The following SHANK2 variants were observed in gnomAD, a reference collection of about 807,000 sequenced individuals.
SHANK2 encodes the protein SH3 and multiple ankyrin repeat domains 2.
Under a neutral mutation model 133.7 loss-of-function variants are expected in SHANK2, and 43 were observed. That is an observed-to-expected ratio of 0.32 (90% CI 0.25 to 0.41). The LOEUF (loss-of-function observed/expected upper bound fraction) is 0.41. SHANK2 is among the 10% of genes least tolerant of loss of function. The pLI is 1.00. For synonymous variants in SHANK2, 1,017 were observed against 952.8 expected, an observed-to-expected ratio of 1.07 and a Z score of -1.24; for missense variants, 1,994 against 2,235.8, an observed-to-expected ratio of 0.89 and a Z score of 2.18.
At chr11:70,917,747 T>C (rs895013406) in intron 10 of SHANK2, among the ~76,000 whole-genome samples, 7 of 152,144 alleles carry the variant, frequency 4.6e-5, no homozygotes, top group Admixed American at 2.0e-4. Context: ...AGCAAACTAA[T>C]GCAGAAACAG....
chr11:70,736,862 A>C (rs1475822937), intron 14 of SHANK2, among the ~76,000 whole-genome samples: 1 of 152,150 alleles, frequency 6.6e-6, no homozygotes, highest in Non-Finnish European at 1.5e-5. Flanking sequence ...TCCAGAACCA[A>C]ACGGTTTGTC....
At chr11:71,243,073 A>C (rs1954915271) in intron 1 of SHANK2, among the ~76,000 whole-genome samples, 1 of 152,262 alleles carries the variant, frequency 6.6e-6, no homozygotes, top group South Asian at 2.1e-4. Context: ...GCAGTACTTA[A>C]AGGAAATTCA....
Position 70,485,748 on chromosome 11 carries a change from G to A in SHANK2, c.4545C>T (p.Ser1515=). 6.2e-7 allele frequency: 1 copy of A among 1,614,044 alleles called. No individual in the cohort carries two copies. The highest frequency in any genetic ancestry group is 8.5e-7 in the Non-Finnish European group (1 of 1,180,022). Residue 1515 remains serine (S), a synonymous_variant, in exon 25 of 26, where the codon AGC becomes AGT. Transcript: ENST00000601538. This position sits in a 1 kb window ranked among gnomAD's most constrained non-coding sequence, Gnocchi z 5.8. ...CACCTTCGGAAGACAGGGTGGAGAT[G>A]CTAGACACGGTGGAGATAGTGCTGG... ...ETTSTISTVS[S]ISTLSSEGGE...
intron 17 of SHANK2, among the ~76,000 whole-genome samples, chr11:70,645,653 C>T (rs924776061): frequency 2.6e-5 from 4 of 152,290 alleles, no homozygotes; most frequent in East Asian, 1.9e-4. Flanking sequence ...TTGGAGGCAA[C>T]GCCACCTGCC....
At chr11:70,796,996 C>T (rs1352185964) in intron 14 of SHANK2, among the ~76,000 whole-genome samples, 2 of 152,326 alleles carry the variant, frequency 1.3e-5, no homozygotes, top group South Asian at 4.1e-4. Context: ...AGCTCTCTGC[C>T]CATTTCCAGA....
At position 71,108,435 on chromosome 11, in the gene SHANK2, C is replaced by T. The variant is rs531962176; in HGVS notation, c.592+1506G>A. 4.3e-4 allele frequency among the ~76,000 whole-genome samples: 65 copies of T among 152,320 alleles called. No homozygotes were observed. The East Asian group carries it at 0.01, about 24-fold the overall frequency. On this transcript the variant is annotated intron_variant, in intron 6 of 25. Transcript: ENST00000601538. Reference sequence around the variant, plus strand: ...AGCTGAGGGCCACTGCAGCTGCCCACCTGCCCTCCAGATGCCCTACTACCC... The same window carrying T: ...AGCTGAGGGCCACTGCAGCTGCCCATCTGCCCTCCAGATGCCCTACTACCC...
At chr11:71,194,440 C>T (rs1953857303) in intron 2 of SHANK2, among the ~76,000 whole-genome samples, 1 of 152,242 alleles carries the variant, frequency 6.6e-6, no homozygotes, top group Admixed American at 6.5e-5. Flanking sequence ...CCCAACGCCA[C>T]TCACCTGCAC....
intron 1 of SHANK2, among the ~76,000 whole-genome samples, chr11:71,250,002 T>C (rs555488544): frequency 3.3e-5 from 5 of 152,064 alleles, no homozygotes; most frequent in Non-Finnish European, 7.4e-5. Context: ...AGCACCTGAA[T>C]GAAGAAATGA....
chr11:70,567,164 T>G (rs2059978448), intron 17 of SHANK2, among the ~76,000 whole-genome samples: 1 of 152,208 alleles, frequency 6.6e-6, no homozygotes, highest in Non-Finnish European at 1.5e-5. Flanking sequence ...GCATCTGTTA[T>G]GAAGCTGTGA....
chr11:71,132,722 G>A (rs1433799051), intron 3 of SHANK2, among the ~76,000 whole-genome samples: 1 of 152,126 alleles, frequency 6.6e-6, no homozygotes, highest in Non-Finnish European at 1.5e-5. Context: ...CCTTTATCGA[G>A]GATGCCCTGT....
chr11:71,092,350 T>C (rs969735289), intron 8 of SHANK2, 72 bp downstream of exon 8: 1 of 1,521,182 alleles, frequency 6.6e-7, no homozygotes, highest in Non-Finnish European at 8.9e-7. Context: ...CCACCCTGCT[T>C]ATCTGCGGGA....
rs1555152791 is a variant in SHANK2 at position 70,485,446 on chromosome 11, A to G, written c.4847T>C (p.Leu1616Pro). The G allele has an allele frequency of 6.8e-6, 11 of 1,613,974 alleles. No individual in the cohort carries two copies. Among genetic ancestry groups the G allele is most frequent in the Non-Finnish European group, 8.5e-6 (10 of 1,180,022 alleles). ...GDVTEIKSPI[L>P]SGPKANVISE... is the part of the protein sequence containing the mutation. The stretch of plus-strand genomic sequence containing the variant: ...AATAACGTTTGCCTTTGGGCCTGAG[A>G]GAATCGGGCTTTTGATCTCTGTGAC... Residue 1616 changes from leucine (L) to proline (P), a missense_variant, in exon 25 of 26, where the codon CTC becomes CCC. Physicochemically the swap from Leu to Pro is moderately conservative, Grantham distance 98 (BLOSUM62 -3). Around this residue, in one of 5 missense-constraint regions of SHANK2, gnomAD observed 797 missense variants for 907.4 expected, o/e 0.88. Coordinates refer to ENST00000601538, the MANE Select transcript of SHANK2 (RefSeq NM_012309.5). The surrounding 1 kb of genome is among the most constrained non-coding windows in gnomAD (Gnocchi z 5.8).
intron 14 of SHANK2, among the ~76,000 whole-genome samples, chr11:70,741,231 GCATCCATCCATCCATCCATCCATCCATC>G (rs61208287): frequency 7.0e-6 from 1 of 143,190 alleles, no homozygotes; most frequent in Non-Finnish European, 1.5e-5. Flanking sequence ...ATTTAACCAT[GCATCCATCCATCCATCCATCCATCCATC>G]CATCCATCCA....
intron 17 of SHANK2, among the ~76,000 whole-genome samples, chr11:70,568,497 C>A (rs2059996567): frequency 6.6e-6 from 1 of 152,128 alleles, no homozygotes; most frequent in Non-Finnish European, 1.5e-5. Context: ...ATCCTCGGAG[C>A]TCCGTGAAGC....
chr11:70,580,292 G>C (rs1360267063), intron 17 of SHANK2, among the ~76,000 whole-genome samples: 6 of 152,164 alleles, frequency 3.9e-5, no homozygotes, highest in Non-Finnish European at 7.3e-5. Flanking sequence ...GCTACATTTT[G>C]CAACTGAAGA....
intron 9 of SHANK2, among the ~76,000 whole-genome samples, chr11:71,071,144 GT>G (rs1337304400): frequency 2.0e-5 from 3 of 152,174 alleles, no homozygotes; most frequent in Non-Finnish European, 2.9e-5. Context: ...ATTAAGGAAT[GT>G]TTTTTCCATC....
intron 14 of SHANK2, among the ~76,000 whole-genome samples, chr11:70,701,172 G>T (rs571491243): frequency 6.6e-6 from 1 of 151,980 alleles, no homozygotes; most frequent in East Asian, 1.9e-4. Flanking sequence ...GTACGCGTGT[G>T]TGTGTGTGTG....
At chr11:70,950,038 C>T (rs1024751524) in intron 10 of SHANK2, 6 of 456,368 alleles carry the variant, frequency 1.3e-5, no homozygotes, top group East Asian at 1.4e-4. Flanking sequence ...TCTTCATGGG[C>T]GGAAAGACAA....
chr11:70,810,799 C>T (rs1555053039), intron 12 of SHANK2, among the ~76,000 whole-genome samples: 1 of 152,190 alleles, frequency 6.6e-6, no homozygotes, highest in Non-Finnish European at 1.5e-5. Flanking sequence ...AGTTCCCAGC[C>T]CCGCTGCAGC....
Sources: allele counts gnomAD v4.1 joint callset (sites outside exome capture counted in the v4.1 genomes callset), GRCh38; gene constraint gnomAD v4.1.1; regional missense constraint gnomAD v4.1.1; non-coding constraint Gnocchi (gnomAD v3.1); transcripts MANE v1.5; gene names NCBI Gene and HGNC (gene_info 2026-07-23, HGNC 2026-07-21).